Variants in PLD5 observed in about 807,000 individuals in gnomAD.
The protein encoded by PLD5 is inactive phospholipase D5.
Under a neutral mutation model 61.1 loss-of-function variants are expected in PLD5, and 36 were observed. The observed-to-expected ratio is 0.59, with a 90% CI of 0.45 to 0.78. PLD5 has a LOEUF of 0.78. PLD5 is among the 30% of genes least tolerant of loss of function. The pLI is 0.00. For missense variants in PLD5, 515 were observed against 644.4 expected, an observed-to-expected ratio of 0.80 and a Z score of 2.17; for synonymous variants, 243 against 242.8, an observed-to-expected ratio of 1.00 and a Z score of -0.01.
At chr1:242,175,823 A>G (rs978547588) in intron 5 of PLD5, among the ~76,000 whole-genome samples, 1 of 152,244 alleles carries the variant, frequency 6.6e-6, no homozygotes, top group Non-Finnish European at 1.5e-5. Flanking sequence ...ACAGAGAGCC[A>G]AATCATGAGT....
intron 5 of PLD5, among the ~76,000 whole-genome samples, chr1:242,178,540 A>G (rs528204573): frequency 9.9e-5 from 15 of 152,170 alleles, no homozygotes; most frequent in African/African-American, 3.6e-4. Flanking sequence ...TTCCCAGGCT[A>G]TTTTCAAAGC....
At chr1:242,118,926 A>C (rs1662154648) in intron 6 of PLD5, among the ~76,000 whole-genome samples, 1 of 152,242 alleles carries the variant, frequency 6.6e-6, no homozygotes, top group African/African-American at 2.4e-5. Context: ...TGGCAGAGGA[A>C]GTTAACTAGT....
intron 4 of PLD5, among the ~76,000 whole-genome samples, chr1:242,248,446 TA>T (rs1296107316): frequency 2.1e-5 from 3 of 144,398 alleles, no homozygotes; most frequent in South Asian, 2.3e-4. Flanking sequence ...AAAGTATATT[TA>T]AAAAAAAAGA....
intron 5 of PLD5, among the ~76,000 whole-genome samples, chr1:242,163,380 T>C (rs1042227591): frequency 6.6e-6 from 1 of 152,046 alleles, no homozygotes; most frequent in Non-Finnish European, 1.5e-5. Flanking sequence ...CCTGACCTCG[T>C]GATCCAGCTG....
intron 1 of PLD5, among the ~76,000 whole-genome samples, chr1:242,419,269 A>G (rs1664995077): frequency 6.6e-6 from 1 of 152,162 alleles, no homozygotes; most frequent in Admixed American, 6.5e-5. Flanking sequence ...CACTTCCCTC[A>G]GTGGGTGGCA....
chr1:242,368,125 G>A (rs952970754), intron 1 of PLD5, among the ~76,000 whole-genome samples: 4 of 152,102 alleles, frequency 2.6e-5, no homozygotes, highest in African/African-American at 7.2e-5. Context: ...AAACACTTAA[G>A]CTTATTCAGT....
At chr1:242,452,468 G>GA (rs1051838117) in intron 1 of PLD5, among the ~76,000 whole-genome samples, 2 of 151,998 alleles carry the variant, frequency 1.3e-5, no homozygotes, top group African/African-American at 2.4e-5. Context: ...TGAGAAGCAG[G>GA]AAAAAACTTG....
chr1:242,340,765 A>T (rs1273564293), intron 2 of PLD5, among the ~76,000 whole-genome samples: 2 of 152,222 alleles, frequency 1.3e-5, no homozygotes, highest in Non-Finnish European at 2.9e-5. Context: ...GCCAGATTCA[A>T]ACCCAGGTAA....
At chr1:242,090,614 C>T (rs1013039614) in intron 9 of PLD5, among the ~76,000 whole-genome samples, 1 of 152,210 alleles carries the variant, frequency 6.6e-6, no homozygotes, top group Non-Finnish European at 1.5e-5. Context: ...AAATCATTTC[C>T]CAGACCCAGG....
chr1:242,297,789 G>C (rs1475443221), intron 2 of PLD5, among the ~76,000 whole-genome samples: 1 of 150,686 alleles, frequency 6.6e-6, no homozygotes, highest in Admixed American at 6.6e-5. Flanking sequence ...ACAGGCGCCC[G>C]CCACCGCGCC....
At chr1:242,432,740 A>G (rs1665786110) in intron 1 of PLD5, among the ~76,000 whole-genome samples, 1 of 152,070 alleles carries the variant, frequency 6.6e-6, no homozygotes, top group Non-Finnish European at 1.5e-5. Flanking sequence ...ATTTTTGTCC[A>G]TTTTTCCCAA....
chr1:242,497,894 G>A (rs1029909955), intron 1 of PLD5, among the ~76,000 whole-genome samples: 13 of 152,266 alleles, frequency 8.5e-5, no homozygotes, highest in South Asian at 2.1e-4. Context: ...GATGGCAAAC[G>A]AATAAAGCAG....
chr1:242,229,142 A>T (rs980339677), intron 4 of PLD5, among the ~76,000 whole-genome samples: 1 of 152,174 alleles, frequency 6.6e-6, no homozygotes, highest in Non-Finnish European at 1.5e-5. Flanking sequence ...AAGGCTGAAG[A>T]TTCAAAATAA....
intron 9 of PLD5, among the ~76,000 whole-genome samples, chr1:242,092,584 TG>T (rs1465935607): frequency 6.6e-6 from 1 of 152,216 alleles, no homozygotes; most frequent in Non-Finnish European, 1.5e-5. Flanking sequence ...CAAAGGGAAC[TG>T]GCAGGCTTTA....
At chr1:242,334,308 C>T (rs889854897) in intron 2 of PLD5, among the ~76,000 whole-genome samples, 1 of 152,192 alleles carries the variant, frequency 6.6e-6, no homozygotes, top group Non-Finnish European at 1.5e-5. Flanking sequence ...CCTGAATCTA[C>T]ACCCAGTATA....
intron 1 of PLD5, among the ~76,000 whole-genome samples, chr1:242,475,422 C>CAGGA (rs1553382094): frequency 1.1e-5 from 1 of 91,502 alleles, no homozygotes; most frequent in Admixed American, 1.1e-4. Flanking sequence ...GACTCCGTCT[C>CAGGA]AAAAAAAAAA....
intron 4 of PLD5, among the ~76,000 whole-genome samples, chr1:242,241,978 CTATA>C (rs145747630): frequency 0.28 from 31,796 of 115,454 alleles, 4,495 homozygotes; most frequent in Middle Eastern, 0.41. Flanking sequence ...TAAATATATA[CTATA>C]TATACTTACT....
intron 1 of PLD5, among the ~76,000 whole-genome samples, chr1:242,458,961 C>A (rs1328927306): frequency 2.0e-5 from 3 of 152,098 alleles, no homozygotes; most frequent in Non-Finnish European, 4.4e-5. Context: ...GCTATTACTG[C>A]GACTGCTGCT....
At chr1:242,495,668 GAGA>G (rs1318407978) in intron 1 of PLD5, among the ~76,000 whole-genome samples, 3 of 152,182 alleles carry the variant, frequency 2.0e-5, no homozygotes, top group African/African-American at 7.2e-5. Flanking sequence ...TTAACAAGGA[GAGA>G]AGAGATCTAG....
Sources: allele counts gnomAD v4.1 joint callset (sites outside exome capture counted in the v4.1 genomes callset), GRCh38; gene constraint gnomAD v4.1.1; transcripts MANE v1.5; gene names NCBI Gene and HGNC (gene_info 2026-07-23, HGNC 2026-07-21).